The following CDKAL1 variants were observed in gnomAD, a reference collection of about 807,000 sequenced individuals.
CDKAL1 encodes the protein threonylcarbamoyladenosine tRNA methylthiotransferase.
CDKAL1 carries 32 observed loss-of-function variants against 68.2 expected under a neutral mutation model. The observed-to-expected ratio is 0.47, with a 90% CI of 0.35 to 0.63. The LOEUF is 0.63. Ranked by LOEUF, CDKAL1 falls within the 30% of genes least tolerant of loss-of-function variation. The pLI, the probability that CDKAL1 is intolerant of heterozygous loss-of-function variation, is 0.00. For missense variants in CDKAL1, 606 were observed against 696.7 expected (o/e 0.87, Z 1.47); for synonymous variants, 234 against 244.3 (o/e 0.96, Z 0.39).
At chr6:20,554,671 C>A (rs1763966810) in intron 4 of CDKAL1, among the ~76,000 whole-genome samples, 1 of 152,178 alleles carries the variant, frequency 6.6e-6, no homozygotes, top group South Asian at 2.1e-4. Context: ...AATCCTTACA[C>A]AATTTTGTTA....
At chr6:20,677,714 C>G (rs185359337) in intron 5 of CDKAL1, among the ~76,000 whole-genome samples, 44 of 152,276 alleles carry the variant, frequency 2.9e-4, no homozygotes, top group Admixed American at 2.7e-3. Flanking sequence ...CCATGCATGG[C>G]GAGAGCTAAG....
Position 21,085,755 on chromosome 6 carries a change from T to C in CDKAL1, c.1236+20527T>C, listed in dbSNP as rs75341930. On this transcript the variant is annotated intron_variant, in intron 12 of 15. Coordinates refer to ENST00000274695, the MANE Select transcript of CDKAL1 (RefSeq NM_017774.3). ...CTACAGCCGCATTGGCCCTTGGGAA[T>C]TTTCCTAGATAATAAACTGAGCCAT... Among the ~76,000 whole-genome samples, 1,070 of 152,198 alleles carry C rather than the reference T, an allele frequency of 7.0e-3. 11 individuals are homozygous for C. Among genetic ancestry groups the C allele is most frequent in the Middle Eastern group, 0.031 (9 of 294 alleles).
intron 8 of CDKAL1, among the ~76,000 whole-genome samples, chr6:20,802,522 GAT>G (rs1776411519): frequency 6.6e-6 from 1 of 151,840 alleles, no homozygotes; most frequent in Non-Finnish European, 1.5e-5. Context: ...ATATTTTGGA[GAT>G]ATATATGTGA....
At chr6:21,161,317 T>C (rs1471460489) in intron 13 of CDKAL1, among the ~76,000 whole-genome samples, 1 of 152,178 alleles carries the variant, frequency 6.6e-6, no homozygotes, top group Non-Finnish European at 1.5e-5. Flanking sequence ...CAGCACCAGA[T>C]CAGTAAACAC....
chr6:20,738,110 C>T (rs1302818221), intron 5 of CDKAL1, among the ~76,000 whole-genome samples: 2 of 152,156 alleles, frequency 1.3e-5, no homozygotes, highest in Non-Finnish European at 2.9e-5. Context: ...CAGTTGGTTT[C>T]AGAAACCTAG....
At chr6:20,818,452 G>A (rs143037734) in intron 8 of CDKAL1, among the ~76,000 whole-genome samples, 1 of 151,982 alleles carries the variant, frequency 6.6e-6, no homozygotes, top group African/African-American at 2.4e-5. Context: ...ATCCTTCTTA[G>A]TAAAATCAAG....
At chr6:20,931,238 T>C (rs1237863471) in intron 9 of CDKAL1, among the ~76,000 whole-genome samples, 1 of 152,242 alleles carries the variant, frequency 6.6e-6, no homozygotes, top group Admixed American at 6.5e-5. Flanking sequence ...TTTCTAGTTA[T>C]AATTCATCTT....
At chr6:20,771,408 T>C (rs1398888304) in intron 7 of CDKAL1, among the ~76,000 whole-genome samples, 3 of 152,132 alleles carry the variant, frequency 2.0e-5, no homozygotes, top group Non-Finnish European at 4.4e-5. Context: ...CAGTTCTTGA[T>C]TGGAAGTGAA....
chr6:20,778,796 C>CT lies in CDKAL1; in HGVS notation c.518-2340dup, dbSNP rs200067190. On this transcript the variant is annotated intron_variant, in intron 7 of 15. Coordinates refer to ENST00000274695, the MANE Select transcript of CDKAL1 (RefSeq NM_017774.3). ...CAGTCAGGAGGAGCTCACTTTTAGCCTTTTTTTTTAAATTGAGACTTTTAT... is the reference window on the plus strand; with the variant it reads ...CAGTCAGGAGGAGCTCACTTTTAGCCTTTTTTTTTTAAATTGAGACTTTTAT... 5.6e-3 allele frequency among the ~76,000 whole-genome samples: 850 copies of CT among 151,328 alleles called. 4 individuals are homozygous for CT. The highest frequency in any genetic ancestry group is 0.031 in the Middle Eastern group (9 of 292).
intron 12 of CDKAL1, among the ~76,000 whole-genome samples, chr6:21,073,597 A>G (rs144588226): frequency 6.6e-6 from 1 of 152,198 alleles, no homozygotes; most frequent in East Asian, 1.9e-4. Flanking sequence ...CACTAATGAC[A>G]TATGGTGTTG....
chr6:20,720,608 G>A (rs996654832), intron 5 of CDKAL1, among the ~76,000 whole-genome samples: 5 of 152,068 alleles, frequency 3.3e-5, no homozygotes, highest in African/African-American at 1.2e-4. Flanking sequence ...CTGGGCTCAA[G>A]CAATTCTCCT....
chr6:20,786,632 G>C (rs936297250), intron 8 of CDKAL1, among the ~76,000 whole-genome samples: 1 of 151,652 alleles, frequency 6.6e-6, no homozygotes, highest in Non-Finnish European at 1.5e-5. Flanking sequence ...TGAGTAGCTG[G>C]GACTTCAGGC....
At chr6:20,784,412 C>CTTTTCTTTTTTTTTTT (rs1775572868) in intron 8 of CDKAL1, among the ~76,000 whole-genome samples, 1 of 33,494 alleles carries the variant, frequency 3.0e-5, no homozygotes, top group Admixed American at 5.4e-4. Flanking sequence ...TATTTTATTT[C>CTTTTCTTTTTTTTTTT]TTTTTTTTTT....
chr6:21,035,121 G>A (rs533263115), intron 11 of CDKAL1, among the ~76,000 whole-genome samples: 3 of 152,154 alleles, frequency 2.0e-5, no homozygotes, highest in African/African-American at 7.2e-5. Flanking sequence ...TGATATTTGT[G>A]CTTGAGGTTC....
At chr6:21,165,687 A>G (rs1461988866) in intron 13 of CDKAL1, among the ~76,000 whole-genome samples, 1 of 152,208 alleles carries the variant, frequency 6.6e-6, no homozygotes, top group Admixed American at 6.5e-5. Context: ...TGACCATGTC[A>G]TGTGGTAGCT....
intron 8 of CDKAL1, among the ~76,000 whole-genome samples, chr6:20,811,523 T>C (rs1273173856): frequency 6.6e-6 from 1 of 152,230 alleles, no homozygotes; most frequent in Non-Finnish European, 1.5e-5. Context: ...TTCCACATTC[T>C]GGATTTTGCT....
At chr6:20,626,776 C>T (rs1432888000) in intron 4 of CDKAL1, among the ~76,000 whole-genome samples, 2 of 152,164 alleles carry the variant, frequency 1.3e-5, no homozygotes, top group East Asian at 1.9e-4. Context: ...TAGGCATCAC[C>T]TTTCTGTTTG....
At chr6:20,825,606 A>G (rs1363614040) in intron 8 of CDKAL1, among the ~76,000 whole-genome samples, 1 of 152,140 alleles carries the variant, frequency 6.6e-6, no homozygotes, top group Admixed American at 6.6e-5. Flanking sequence ...TGCTTTTACA[A>G]CAGCTCTCAT....
intron 2 of CDKAL1, among the ~76,000 whole-genome samples, chr6:20,537,321 T>C (rs1351508784): frequency 6.6e-6 from 1 of 152,156 alleles, no homozygotes; most frequent in Non-Finnish European, 1.5e-5. Context: ...GATGAAAAGC[T>C]TCCCGCTGGG....
Sources: gnomAD v4.1 joint callset for allele counts (sites outside exome capture counted in the v4.1 genomes callset) on GRCh38, gnomAD v4.1.1 for gene constraint, MANE v1.5 for transcripts, NCBI Gene and HGNC (gene_info 2026-07-23, HGNC 2026-07-21) for gene names.